ABHD2: variants seen among roughly 807,000 people sequenced by gnomAD.
The protein encoded by ABHD2 is abhydrolase domain containing 2, acylglycerol lipase.
A neutral mutation model predicts 48.1 loss-of-function variants in ABHD2; 20 were observed. The ratio of observed to expected loss-of-function variants is 0.42; its 90% CI spans 0.29 to 0.60. ABHD2 has a LOEUF of 0.60. Among genes scored for constraint, ABHD2 ranks in the 20% least tolerant of loss-of-function variants. The probability of loss-of-function intolerance (pLI) is 0.24; values close to 1 mark genes in which losing one functional copy is unlikely to be tolerated. For synonymous variants in ABHD2, 209 were observed against 214.2 expected (o/e 0.98, Z 0.21); for missense variants, 405 against 550.9 (o/e 0.74, Z 2.65).
chr15:89,114,238 T>C lies in ABHD2; in HGVS notation c.-7+414T>C, dbSNP rs2049920533. ...GCATCTTAGTGCAGTGCTATGTACT[T>C]TTTTAGGCCACAGACCCTTTTTAGA... On this transcript the variant is annotated intron_variant, in intron 2 of 10. Transcript: ENST00000352732. This position sits in a 1 kb window ranked among gnomAD's most constrained non-coding sequence, Gnocchi z 4.2. 6.6e-6 allele frequency among the ~76,000 whole-genome samples: 1 copy of C among 152,094 alleles called. No individual in the cohort carries two copies. Among genetic ancestry groups the C allele is most frequent in the Non-Finnish European group, 1.5e-5 (1 of 68,012 alleles).
chr15:89,175,203 C>A lies in ABHD2; in HGVS notation c.539-609C>A, dbSNP rs1276401116. 6.6e-6 allele frequency among the ~76,000 whole-genome samples: 1 copy of A among 152,112 alleles called. No individual in the cohort carries two copies. Among genetic ancestry groups the A allele is most frequent in the African/African-American group, 2.4e-5 (1 of 41,424 alleles). On this transcript the variant is annotated intron_variant, in intron 5 of 10. Transcript: ENST00000352732. The surrounding 1 kb of genome is among the most constrained non-coding windows in gnomAD (Gnocchi z 5.7). The stretch of plus-strand genomic sequence containing the variant: ...AGGAAGCTAATCTCAAAGGATTTTG[C>A]TCTTGCATTTATTTATTTATTTACT...
In ABHD2 at chr15:89,157,942, A is replaced by G. The variant is rs561300648; in HGVS notation, c.538+2408A>G. On this transcript the variant is annotated intron_variant, in intron 5 of 10. Transcript: ENST00000352732. ...GTATGTGGGAGACAGAATTGGACCCAAAAGTCAGAAATAGGCCAAATCAAA... is the reference window on the plus strand; with the variant it reads ...GTATGTGGGAGACAGAATTGGACCCGAAAGTCAGAAATAGGCCAAATCAAA... Among the ~76,000 whole-genome samples the G allele has an allele frequency of 2.0e-5, 3 of 152,256 alleles. No homozygotes were observed. The East Asian group carries it at 5.8e-4, about 29-fold the overall frequency.
intron 3 of ABHD2, among the ~76,000 whole-genome samples, chr15:89,149,603 C>T (rs894453785): frequency 1.3e-5 from 2 of 152,106 alleles, no homozygotes; most frequent in Non-Finnish European, 2.9e-5. Flanking sequence ...GGCAACCCCC[C>T]CAGCAACCTG....
At chr15:89,172,704 A>G (rs551441176) in intron 5 of ABHD2, among the ~76,000 whole-genome samples, 6 of 152,354 alleles carry the variant, frequency 3.9e-5, no homozygotes, top group East Asian at 1.9e-4. Context: ...CTTTATTCAC[A>G]TCTCTAAACA....
intron 6 of ABHD2, chr15:89,183,384 A>ATATATATATATATATAT (rs1555433649): frequency 2.2e-5 from 1 of 46,272 alleles, no homozygotes; most frequent in African/African-American, 6.9e-5. Context: ...AAAAAAAAAA[A>ATATATATATATATATAT]ATATATATAT....
intron 9 of ABHD2, among the ~76,000 whole-genome samples, chr15:89,192,448 A>G (rs1009116956): frequency 3.3e-5 from 5 of 152,154 alleles, no homozygotes; most frequent in Non-Finnish European, 7.4e-5. Flanking sequence ...CAACCCTGCC[A>G]ACGGTTTTCC....
chr15:89,053,742 T>C, the ABHD2 span, among the ~76,000 whole-genome samples: 2 of 152,096 alleles, frequency 1.3e-5, no homozygotes, highest in South Asian at 4.1e-4. Flanking sequence ...AAGGCAAAAA[T>C]GGGCAAAGAC....
chr15:89,088,805 C>T lies in ABHD2; in HGVS notation c.-107+242C>T, dbSNP rs1203927060. 2.0e-5 allele frequency among the ~76,000 whole-genome samples: 3 copies of T among 152,186 alleles called. No individual in the cohort carries two copies. Among genetic ancestry groups the T allele is most frequent in the Non-Finnish European group, 4.4e-5 (3 of 68,026 alleles). On this transcript the variant is annotated intron_variant, in intron 1 of 10. Transcript: ENST00000352732. This position sits in a 1 kb window ranked among gnomAD's most constrained non-coding sequence, Gnocchi z 6.8. Reference sequence around the variant, plus strand: ...CTGAGGCCCTTTGTCCCCTTCTGCCCGAGGAACCGAGGTTGGGGACAACCC... The same window carrying T: ...CTGAGGCCCTTTGTCCCCTTCTGCCTGAGGAACCGAGGTTGGGGACAACCC...
At chr15:89,187,862 T>C (rs866881483) in intron 7 of ABHD2, among the ~76,000 whole-genome samples, 2 of 152,188 alleles carry the variant, frequency 1.3e-5, no homozygotes, top group Non-Finnish European at 2.9e-5. Flanking sequence ...GTCAACACAG[T>C]GTAAGGACGA....
At chr15:89,124,250 A>G (rs530396347) in intron 3 of ABHD2, among the ~76,000 whole-genome samples, 11 of 152,274 alleles carry the variant, frequency 7.2e-5, no homozygotes, top group Non-Finnish European at 1.5e-4. Flanking sequence ...CACTTCTTCC[A>G]TTTTCTTTTC....
rs2050858520 is a variant in ABHD2, at chr15:89,167,704, C to T, written c.539-8108C>T. Among the ~76,000 whole-genome samples the T allele has an allele frequency of 6.6e-6, 1 of 152,196 alleles. No individual in the cohort carries two copies. The highest frequency in any genetic ancestry group is 2.1e-4 in the South Asian group (1 of 4,824). The stretch of plus-strand genomic sequence containing the variant: ...GCACAAAGGGGCCTTAACTTTATTT[C>T]TACAGCTATTGTATTCCTGGATGAC... On this transcript the variant is annotated intron_variant, in intron 5 of 10. Transcript: ENST00000352732. This position sits in a 1 kb window ranked among gnomAD's most constrained non-coding sequence, Gnocchi z 5.5.
the ABHD2 span, among the ~76,000 whole-genome samples, chr15:89,058,957 C>G: frequency 6.6e-6 from 1 of 152,180 alleles, no homozygotes; most frequent in African/African-American, 2.4e-5. Flanking sequence ...CTTCATCTGC[C>G]TAGTCACCAG....
the ABHD2 span, among the ~76,000 whole-genome samples, chr15:89,055,065 C>T: frequency 3.3e-5 from 5 of 152,038 alleles, no homozygotes; most frequent in South Asian, 8.3e-4. Flanking sequence ...ATCTCTATGG[C>T]GCACACTTGC....
chr15:89,142,011 G>A (rs1342856046), intron 3 of ABHD2, among the ~76,000 whole-genome samples: 2 of 152,188 alleles, frequency 1.3e-5, no homozygotes, highest in African/African-American at 4.8e-5. Flanking sequence ...ATGACTAATA[G>A]ACTCATAGGA....
At chr15:89,171,533 TG>T (rs1485697334) in intron 5 of ABHD2, among the ~76,000 whole-genome samples, 1 of 152,154 alleles carries the variant, frequency 6.6e-6, no homozygotes, top group African/African-American at 2.4e-5. Context: ...ATTTTCTGTT[TG>T]TTAGGTATTA....
At chr15:89,107,923 T>C (rs2049812574) in intron 1 of ABHD2, among the ~76,000 whole-genome samples, 7 of 152,084 alleles carry the variant, frequency 4.6e-5, no homozygotes, top group Admixed American at 4.6e-4. Context: ...TGCTGATAGC[T>C]AAGAGGAAAG....
chr15:89,185,362 C>G lies in ABHD2; in HGVS notation c.723-62C>G. 7.1e-7 allele frequency: 1 copy of G among 1,408,964 alleles called. No individual in the cohort carries two copies. Among genetic ancestry groups the G allele is most frequent in the Non-Finnish European group, 1.0e-6 (1 of 998,080 alleles). The allele number at this position is 1,408,964 out of a possible 1,614,324, so 87.3% of individuals were successfully genotyped here. A position where few individuals can be genotyped will look rare whatever the true frequency, so the allele number is the denominator to read the frequency against. ...CACCTCACCCCATGGCTAGAGCCCC[C>G]TCCTGGCTGCCCGCCTGCACCCCCA... On this transcript the variant is annotated intron_variant, in intron 6 of 10. Coordinates refer to ENST00000352732, the MANE Select transcript of ABHD2 (RefSeq NM_152924.5). The surrounding 1 kb of genome is among the most constrained non-coding windows in gnomAD (Gnocchi z 5.9).
rs535920733 is a variant in ABHD2, at chr15:89,118,191, C to T, written c.194+1670C>T. Among the ~76,000 whole-genome samples the T allele has an allele frequency of 8.8e-3, 1,305 of 148,924 alleles. 16 individuals carry two copies. The highest frequency in any genetic ancestry group is 0.029 in the African/African-American group (1,175 of 40,726). ...ATTTTGAATGTTTCTTTTTTTCTTT[C>T]TTTTTTTTTTGAGACAGAGTCTCAC... On this transcript the variant is annotated intron_variant, in intron 3 of 10. Transcript: ENST00000352732.
At chr15:89,056,139 TGCCACGCCTA>T in the ABHD2 span, among the ~76,000 whole-genome samples, 1 of 152,200 alleles carries the variant, frequency 6.6e-6, no homozygotes, top group Non-Finnish European at 1.5e-5. Context: ...AGATGTGAGC[TGCCACGCCTA>T]GCCTGATTTT....
Sources: gnomAD v4.1 joint callset for allele counts (sites outside exome capture counted in the v4.1 genomes callset) on GRCh38, gnomAD v4.1.1 for gene constraint, Gnocchi (gnomAD v3.1) non-coding constraint, MANE v1.5 for transcripts, NCBI Gene and HGNC (gene_info 2026-07-23, HGNC 2026-07-21) for gene names.